The following PRAG1 variants were observed in gnomAD, a reference collection of about 807,000 sequenced individuals.
PRAG1 encodes inactive tyrosine-protein kinase PRAG1.
PRAG1 carries 110 observed loss-of-function variants against 95.6 expected under a neutral mutation model. The ratio of observed to expected loss-of-function variants is 1.15; its 90% CI spans 0.99 to 1.35. The LOEUF (loss-of-function observed/expected upper bound fraction) is 1.35, where lower values mean the gene tolerates loss of function less well. PRAG1 is among the 40% of genes most tolerant of loss of function. The pLI is 0.00. For missense variants in PRAG1, 2,554 were observed against 1,864.7 expected, an observed-to-expected ratio of 1.37 and a Z score of -6.81; for synonymous variants, 1,052 against 819.4, an observed-to-expected ratio of 1.28 and a Z score of -4.85.
intron 3 of PRAG1, among the ~76,000 whole-genome samples, chr8:8,356,126 A>AT (rs1333270058): frequency 6.6e-6 from 1 of 152,218 alleles, no homozygotes; most frequent in East Asian, 1.9e-4. Flanking sequence ...ATCTGAACAG[A>AT]CATTTATCTG....
chr8:8,369,333 A>G (rs1800114631), intron 3 of PRAG1, among the ~76,000 whole-genome samples: 1 of 152,162 alleles, frequency 6.6e-6, no homozygotes, highest in Non-Finnish European at 1.5e-5. Context: ...ATAATTTCGG[A>G]GGAGATGCAA....
intron 3 of PRAG1, among the ~76,000 whole-genome samples, chr8:8,358,248 G>C (rs377306543): frequency 6.6e-6 from 1 of 152,166 alleles, no homozygotes; most frequent in African/African-American, 2.4e-5. Flanking sequence ...GAGAAGCATG[G>C]GCAAGGCGTG....
At chr8:8,339,419 G>A in intron 4 of PRAG1, 59 bp downstream of exon 4, 3 of 1,579,366 alleles carry the variant, frequency 1.9e-6, no homozygotes, top group Non-Finnish European at 2.6e-6. Flanking sequence ...AAGCAACGCA[G>A]GACTGGTCTT....
chr8:8,372,132 G>A (rs1172998359), intron 3 of PRAG1, among the ~76,000 whole-genome samples: 7 of 152,130 alleles, frequency 4.6e-5, no homozygotes, highest in East Asian at 1.9e-4. Context: ...ATTTAAAACC[G>A]GGTTTGCATC....
At chr8:8,384,873 A>G (rs1026393702) in intron 1 of PRAG1, among the ~76,000 whole-genome samples, 1 of 152,208 alleles carries the variant, frequency 6.6e-6, no homozygotes, top group Non-Finnish European at 1.5e-5. Context: ...GTGTCAGATT[A>G]GAAAAAAGAG....
At position 8,367,458 on chromosome 8, in the gene PRAG1, C is replaced by CA. The variant is rs1158165514; in HGVS notation, c.2162+8788dup. Among the ~76,000 whole-genome samples the CA allele has an allele frequency of 1.9e-4, 5 of 26,218 alleles. 1 individual carries two copies. Among genetic ancestry groups the CA allele is most frequent in the Non-Finnish European group, 2.5e-4 (4 of 15,722 alleles). 17.2% of individuals were successfully genotyped at this position (26,218 alleles called of 152,430 possible). On this transcript the variant is annotated intron_variant, in intron 3 of 5. Transcript: ENST00000615670. ...AGGTGAAAGGAGCAAGACTCCATCT[C>CA]AAAAAAAAAAAAAAAAAAAAAAAAA...
rs1032340423 is a variant in PRAG1 at position 8,376,288 on chromosome 8, C to T, written c.2121G>A (p.Gly707=). ...FAFEFPKDRS[G]IETFSPPPPP... ...GAGGAGGAGGTGAGAATGTCTCAATCCCACTTCTGTCCTTGGGGAACTCAA... is the reference window on the plus strand; with the variant it reads ...GAGGAGGAGGTGAGAATGTCTCAATTCCACTTCTGTCCTTGGGGAACTCAA... Residue 707 remains glycine, a synonymous_variant, in exon 3 of 6, where the codon GGG becomes GGA. Coordinates refer to ENST00000615670, the MANE Select transcript of PRAG1 (RefSeq NM_001080826.3). 1 of 1,614,152 alleles carries T rather than the reference C, an allele frequency of 6.2e-7. No homozygotes were observed.
intron 3 of PRAG1, among the ~76,000 whole-genome samples, chr8:8,360,333 A>G (rs1226567788): frequency 1.3e-5 from 2 of 152,078 alleles, no homozygotes; most frequent in Non-Finnish European, 2.9e-5. Flanking sequence ...TCATATCCAC[A>G]GCCCCTATGG....
At position 8,318,916 on chromosome 8, in the gene PRAG1, C is replaced by T. The variant is rs1275820955; in HGVS notation, c.3459G>A (p.Leu1153=). ...HRDLCLENLL[L]VHCTLQAGPG... ...GGCCGGCCTGGAGGGTGCAGTGCACCAGCAGCAGGTTCTCCAGGCACAGGT... is the reference window on the plus strand; with the variant it reads ...GGCCGGCCTGGAGGGTGCAGTGCACTAGCAGCAGGTTCTCCAGGCACAGGT... The change falls in exon 6 of 6, where the codon CTG becomes CTA. Residue 1153 remains leucine, a synonymous_variant. Coordinates refer to ENST00000615670, the MANE Select transcript of PRAG1 (RefSeq NM_001080826.3). This position sits in a 1 kb window ranked among gnomAD's most constrained non-coding sequence, Gnocchi z 4.2. 1.2e-6 allele frequency: 2 copies of T among 1,608,434 alleles called. No homozygotes were observed. Among genetic ancestry groups the T allele is most frequent in the South Asian group, 1.1e-5 (1 of 90,604 alleles).
At chr8:8,367,458 CAAAAAAAAAAAAAAAAAAAAAAAAA>C (rs1158165514) in intron 3 of PRAG1, among the ~76,000 whole-genome samples, 5 of 26,252 alleles carry the variant, frequency 1.9e-4, no homozygotes, top group African/African-American at 3.2e-4. Flanking sequence ...GACTCCATCT[CAAAAAAAAAAAAAAAAAAAAAAAAA>C]AAAAAAAAAA....
intron 5 of PRAG1, among the ~76,000 whole-genome samples, chr8:8,324,056 A>T (rs912637612): frequency 6.6e-5 from 10 of 152,216 alleles, no homozygotes; most frequent in Non-Finnish European, 1.3e-4. Context: ...GAAATGATGC[A>T]GGCATGGCTC....
At chr8:8,341,210 C>T (rs1799151428) in intron 3 of PRAG1, among the ~76,000 whole-genome samples, 2 of 152,130 alleles carry the variant, frequency 1.3e-5, no homozygotes, top group Admixed American at 1.3e-4. Context: ...ACTACAGCAC[C>T]ATGGCTACAG....
chr8:8,368,791 A>C (rs944417610), intron 3 of PRAG1, among the ~76,000 whole-genome samples: 4 of 152,170 alleles, frequency 2.6e-5, no homozygotes, highest in Non-Finnish European at 5.9e-5. Flanking sequence ...AGCTATTCTC[A>C]GACAAGCAAA....
intron 2 of PRAG1, among the ~76,000 whole-genome samples, chr8:8,380,120 G>T (rs940763986): frequency 2.0e-5 from 3 of 151,498 alleles, no homozygotes; most frequent in Non-Finnish European, 4.4e-5. Context: ...ACAAAAAAAC[G>T]CCAAATAAGC....
chr8:8,380,430 C>T (rs1800595215), intron 2 of PRAG1, among the ~76,000 whole-genome samples: 1 of 151,686 alleles, frequency 6.6e-6, no homozygotes, highest in Non-Finnish European at 1.5e-5. Context: ...GAAACCTCGT[C>T]TCTACTAAAA....
chr8:8,349,108 A>C (rs1349320932), intron 3 of PRAG1, among the ~76,000 whole-genome samples: 1 of 152,174 alleles, frequency 6.6e-6, no homozygotes, highest in Non-Finnish European at 1.5e-5. Flanking sequence ...TTGGTGCAAA[A>C]GTAATTGTGG....
intron 3 of PRAG1, among the ~76,000 whole-genome samples, chr8:8,364,654 G>A (rs1230204392): frequency 6.6e-6 from 1 of 151,478 alleles, no homozygotes; most frequent in African/African-American, 2.4e-5. Context: ...CTATATGGCA[G>A]GATTTCAATG....
At chr8:8,370,865 A>C (rs1329721612) in intron 3 of PRAG1, among the ~76,000 whole-genome samples, 2 of 152,158 alleles carry the variant, frequency 1.3e-5, no homozygotes, top group Non-Finnish European at 2.9e-5. Context: ...GAGTGAGCAA[A>C]AGACCGGGGG....
intron 2 of PRAG1, among the ~76,000 whole-genome samples, chr8:8,379,983 A>G (rs780063772): frequency 5.3e-5 from 8 of 152,148 alleles, no homozygotes; most frequent in African/African-American, 1.4e-4. Flanking sequence ...GCTTATGCCT[A>G]TAATCCCAGC....
Sources: allele counts gnomAD v4.1 joint callset (sites outside exome capture counted in the v4.1 genomes callset), GRCh38; gene constraint gnomAD v4.1.1; non-coding constraint Gnocchi (gnomAD v3.1); transcripts MANE v1.5; gene names NCBI Gene and HGNC (gene_info 2026-07-23, HGNC 2026-07-21).